Variants in CDKL2 observed in about 807,000 individuals in gnomAD.
CDKL2 encodes the protein cyclin dependent kinase like 2.
Under a neutral mutation model 63.9 loss-of-function variants are expected in CDKL2, and 64 were observed. The observed-to-expected ratio is 1.00, with a 90% CI of 0.82 to 1.23. The LOEUF (loss-of-function observed/expected upper bound fraction) is 1.23, where lower values mean the gene tolerates loss of function less well. Ranked by LOEUF, CDKL2 falls within the 50% of genes most tolerant of loss-of-function variation. The probability of loss-of-function intolerance (pLI) is 0.00; values close to 1 mark genes in which losing one functional copy is unlikely to be tolerated. For missense variants in CDKL2, 656 were observed against 668.0 expected (o/e 0.98, Z 0.20); for synonymous variants, 211 against 229.2 (o/e 0.92, Z 0.72).
At chr4:75,586,366 C>T (rs1202742198) in intron 12 of CDKL2, among the ~76,000 whole-genome samples, 2 of 151,966 alleles carry the variant, frequency 1.3e-5, no homozygotes, top group Non-Finnish European at 2.9e-5. Flanking sequence ...GCTGGGACTA[C>T]AGGCGCCTGC....
At chr4:75,614,930 T>C (rs1418322451) in intron 2 of CDKL2, among the ~76,000 whole-genome samples, 1 of 148,252 alleles carries the variant, frequency 6.7e-6, no homozygotes, top group Non-Finnish European at 1.5e-5. Flanking sequence ...ATAGTATATA[T>C]ATATATGTAT....
At chr4:75,611,224 C>T (rs1050120128) in intron 3 of CDKL2, among the ~76,000 whole-genome samples, 2 of 151,972 alleles carry the variant, frequency 1.3e-5, no homozygotes, top group African/African-American at 4.8e-5. Flanking sequence ...TTTGGGAGGC[C>T]GAGGTGGGCC....
chr4:75,586,174 T>C (rs1461909516), intron 12 of CDKL2, among the ~76,000 whole-genome samples: 1 of 151,588 alleles, frequency 6.6e-6, no homozygotes. Flanking sequence ...AAATAATTCA[T>C]AGGTGAGAGA....
chr4:75,627,232 T>C (rs1730461562), intron 1 of CDKL2, among the ~76,000 whole-genome samples: 1 of 151,400 alleles, frequency 6.6e-6, no homozygotes, highest in Non-Finnish European at 1.5e-5. Flanking sequence ...TCCTTTTCAC[T>C]CAAAGATGTA....
In CDKL2 at chr4:75,606,119, A is replaced by G. The variant is rs116745668; in HGVS notation, c.543-485T>C. On this transcript the variant is annotated intron_variant, in intron 4 of 13. Transcript: ENST00000307465. ...CTAGCAAGCTTGACCAATCTATGCTATGCCATCATACACTGAAAACAGCAT... is the reference window on the plus strand; with the variant it reads ...CTAGCAAGCTTGACCAATCTATGCTGTGCCATCATACACTGAAAACAGCAT... Among the ~76,000 whole-genome samples the G allele has an allele frequency of 6.9e-3, 1,057 of 152,312 alleles. 8 individuals are homozygous for G. The highest frequency in any genetic ancestry group is 0.011 in the Non-Finnish European group (719 of 68,024).
chr4:75,602,163 T>G (rs912572682), intron 6 of CDKL2, among the ~76,000 whole-genome samples: 14 of 84,840 alleles, frequency 1.7e-4, no homozygotes, highest in Non-Finnish European at 2.6e-4. Flanking sequence ...CTACATTTTG[T>G]TTTTTTTTTG....
At chr4:75,583,806 T>C (rs1728357932) in intron 12 of CDKL2, among the ~76,000 whole-genome samples, 1 of 151,936 alleles carries the variant, frequency 6.6e-6, no homozygotes, top group African/African-American at 2.4e-5. Context: ...TTGTAATTCC[T>C]CGAGCAATCA....
At chr4:75,580,591 T>G (rs1222286139) in intron 13 of CDKL2, among the ~76,000 whole-genome samples, 1 of 148,416 alleles carries the variant, frequency 6.7e-6, no homozygotes, top group Non-Finnish European at 1.5e-5. Context: ...CGCTTCAGCC[T>G]AGGAGGCAGA....
chr4:75,587,513 A>G (rs938527892), intron 12 of CDKL2, among the ~76,000 whole-genome samples: 2 of 152,172 alleles, frequency 1.3e-5, no homozygotes, highest in African/African-American at 4.8e-5. Context: ...TCATGCCAAC[A>G]AATTTTAAAA....
chr4:75,620,312 C>A (rs758770853), intron 2 of CDKL2, among the ~76,000 whole-genome samples: 2 of 151,970 alleles, frequency 1.3e-5, no homozygotes, highest in Non-Finnish European at 2.9e-5. Flanking sequence ...AACATATCGG[C>A]GATTGAAACA....
intron 2 of CDKL2, among the ~76,000 whole-genome samples, chr4:75,623,718 A>G (rs1052956213): frequency 5.3e-5 from 8 of 152,368 alleles, no homozygotes; most frequent in African/African-American, 1.9e-4. Flanking sequence ...AAAATACATC[A>G]GATATTATAT....
intron 1 of CDKL2, among the ~76,000 whole-genome samples, chr4:75,627,847 G>A (rs1249340797): frequency 6.7e-6 from 1 of 148,248 alleles, no homozygotes; most frequent in African/African-American, 2.5e-5. Flanking sequence ...CCAGTAGCTA[G>A]GGTTACAGGC....
rs370744256 is a variant in CDKL2 at position 75,622,343 on chromosome 4, T to C, written c.168+3478A>G. On this transcript the variant is annotated intron_variant, in intron 2 of 13. Coordinates refer to ENST00000307465, the MANE Select transcript of CDKL2 (RefSeq NM_001330724.2). ...ACTTTACATCTAACGACACAGAAGG[T>C]TAATAGGAGAAAGGATTAAAAAGTA... Among the ~76,000 whole-genome samples the C allele has an allele frequency of 4.0e-5, 6 of 151,672 alleles. No individual in the cohort carries two copies. In the East Asian group the frequency reaches 9.6e-4, roughly 24 times the overall value.
chr4:75,580,177 C>A (rs1387198165), intron 13 of CDKL2, among the ~76,000 whole-genome samples: 3 of 151,568 alleles, frequency 2.0e-5, no homozygotes, highest in South Asian at 2.1e-4. Flanking sequence ...GAGGCTGAGG[C>A]ATGAGGATCA....
chr4:75,589,299 C>CTTTTTTTT (rs34052339), intron 12 of CDKL2, among the ~76,000 whole-genome samples: 1 of 88,406 alleles, frequency 1.1e-5, no homozygotes. Context: ...TTGATAGTTT[C>CTTTTTTTT]TTTTTTTTTT....
In CDKL2 at chr4:75,582,638, A is replaced by C. The variant is rs572813203; in HGVS notation, c.1648-740T>G. ...AAAAAAATTTCAAAAAACATGACCA[A>C]CAACTCCCCAAATCTGGTAAAATAT... On this transcript the variant is annotated intron_variant, in intron 12 of 13. Coordinates refer to ENST00000307465, the MANE Select transcript of CDKL2 (RefSeq NM_001330724.2). Among the ~76,000 whole-genome samples, 3 of 152,260 alleles carry C rather than the reference A, an allele frequency of 2.0e-5. No individual in the cohort carries two copies. In the South Asian group the frequency reaches 6.2e-4, roughly 32 times the overall value.
intron 12 of CDKL2, among the ~76,000 whole-genome samples, chr4:75,584,823 T>C (rs889254183): frequency 6.6e-6 from 1 of 152,208 alleles, no homozygotes; most frequent in Admixed American, 6.5e-5. Context: ...GTGTGCAATT[T>C]AAAACTTAAG....
intron 2 of CDKL2, among the ~76,000 whole-genome samples, chr4:75,615,334 A>T (rs1023817431): frequency 6.6e-6 from 1 of 152,218 alleles, no homozygotes; most frequent in African/African-American, 2.4e-5. Flanking sequence ...AAAAGGAACC[A>T]ATCAAGGATC....
At chr4:75,591,767 A>T in intron 12 of CDKL2, 52 bp downstream of exon 12, 1 of 1,157,892 alleles carries the variant, frequency 8.6e-7, no homozygotes, top group Non-Finnish European at 1.2e-6. Flanking sequence ...CTTTACTAGT[A>T]AGTAAGAGAG....
Sources: gnomAD v4.1 joint callset for allele counts (sites outside exome capture counted in the v4.1 genomes callset) on GRCh38, gnomAD v4.1.1 for gene constraint, MANE v1.5 for transcripts, NCBI Gene and HGNC (gene_info 2026-07-23, HGNC 2026-07-21) for gene names.